The following PKHD1L1 variants were observed in gnomAD, a reference collection of about 807,000 sequenced individuals.
PKHD1L1 encodes the protein fibrocystin-L.
Under a neutral mutation model 462.9 loss-of-function variants are expected in PKHD1L1, and 434 were observed. That is an observed-to-expected ratio of 0.94 (90% confidence interval 0.87 to 1.02). The LOEUF (loss-of-function observed/expected upper bound fraction) is 1.02. PKHD1L1 is among the 50% of genes least tolerant of loss of function. PKHD1L1 has a pLI of 0.00. For synonymous variants in PKHD1L1, 1,781 were observed against 1,750.0 expected, an observed-to-expected ratio of 1.02 and a Z score of -0.44; for missense variants, 5,202 against 5,096.1, an observed-to-expected ratio of 1.02 and a Z score of -0.63.
chr8:109,451,244 T>A, intron 41 of PKHD1L1, 95 bp downstream of exon 41: 1 of 1,298,424 alleles, frequency 7.7e-7, no homozygotes, highest in Non-Finnish European at 1.0e-6. Flanking sequence ...AGAAATACAG[T>A]CATGCAATGT....
intron 9 of PKHD1L1, among the ~76,000 whole-genome samples, chr8:109,393,993 G>A (rs996006888): frequency 6.6e-6 from 1 of 151,830 alleles, no homozygotes; most frequent in Non-Finnish European, 1.5e-5. Flanking sequence ...CCAACATAGT[G>A]AAACCCCGTC....
At chr8:109,495,651 TTAA>T (rs1005606530) in intron 63 of PKHD1L1, among the ~76,000 whole-genome samples, 7 of 152,242 alleles carry the variant, frequency 4.6e-5, no homozygotes, top group Admixed American at 4.6e-4. Context: ...ACATCTTCTT[TTAA>T]TAATAATAAT....
chr8:109,413,612 A>C, intron 21 of PKHD1L1, 67 bp downstream of exon 21: 3 of 1,265,040 alleles, frequency 2.4e-6, no homozygotes, highest in Non-Finnish European at 3.1e-6. Context: ...GATAAGACAA[A>C]TCCATTTCTT....
rs548791148 is a variant in PKHD1L1 at position 109,374,777 on chromosome 8, T to A, written c.164-6593T>A. Among the ~76,000 whole-genome samples, 1,142 of 152,226 alleles carry A rather than the reference T, an allele frequency of 7.5e-3. 12 individuals carry two copies. The highest frequency in any genetic ancestry group is 0.026 in the African/African-American group (1,085 of 41,542). ...ACTTATGAAGCTTAGTTTGGCTGGATATGAAATTCTGGGTTGAAAATTCTT... is the reference window on the plus strand; with the variant it reads ...ACTTATGAAGCTTAGTTTGGCTGGAAATGAAATTCTGGGTTGAAAATTCTT... On this transcript the variant is annotated intron_variant, in intron 2 of 77. Transcript: ENST00000378402.
At chr8:109,430,375 G>A (rs1200513862) in intron 27 of PKHD1L1, among the ~76,000 whole-genome samples, 2 of 152,138 alleles carry the variant, frequency 1.3e-5, no homozygotes, top group Non-Finnish European at 2.9e-5. Context: ...GTACCAGCTA[G>A]GGTATTAAGT....
At position 109,443,590 on chromosome 8, in the gene PKHD1L1, A is replaced by G. The variant is rs1586524167; in HGVS notation, c.4565-86A>G. On this transcript the variant is annotated intron_variant, in intron 36 of 77. Transcript: ENST00000378402. ...ATTTACCAGAATTTAAACCATCATC[A>G]TCAAAATAAAGAGTAACGCAGTTTG... 1.6e-5 allele frequency: 17 copies of G among 1,069,018 alleles called. No individual in the cohort carries two copies. The East Asian group carries it at 4.1e-4, about 26-fold the overall frequency. 66.2% of individuals were successfully genotyped at this position (1,069,018 alleles called of 1,614,324 possible). A position where few individuals can be genotyped will look rare whatever the true frequency, so the allele number is the denominator to read the frequency against.
rs200956400 is a variant in PKHD1L1, at chr8:109,413,483, C to A, written c.2298C>A (p.Asp766Glu). Reference sequence around the variant, plus strand: ...TTGGTCTAAAATTTCAGTACCAAGACAATAGCAAGATTACTAGAAGCACTG... The same window carrying A: ...TTGGTCTAAAATTTCAGTACCAAGAAAATAGCAAGATTACTAGAAGCACTG... Reference protein sequence around the residue: ...NYIGLKFQYQDNSKITRSTDT... With the variant: ...NYIGLKFQYQENSKITRSTDT... Residue 766 changes from aspartate (D) to glutamate (E), a missense_variant, in exon 21 of 78, where the codon GAC becomes GAA. Coordinates refer to ENST00000378402, the MANE Select transcript of PKHD1L1 (RefSeq NM_177531.6). 1.3e-6 allele frequency: 2 copies of A among 1,579,746 alleles called. No homozygotes were observed. The highest frequency in any genetic ancestry group is 2.7e-5 in the African/African-American group (2 of 74,520).
In PKHD1L1 at chr8:109,384,089, C is replaced by T. The variant is rs1429796179; in HGVS notation, c.437C>T (p.Pro146Leu). ...TTACAGGCAAAAAGTTTTAGAACCC[C>T]AACAATAAGAAGCATCACACCTTTA... is the stretch of plus-strand genomic sequence containing the variant. ...CTFNAKSFRT[P>L]TIRSITPLSG... Residue 146 changes from proline (P) to leucine (L), a missense_variant, in exon 5 of 78, where the codon CCA becomes CTA. Transcript: ENST00000378402. 6.8e-6 allele frequency: 11 copies of T among 1,610,302 alleles called. No homozygotes were observed. The Admixed American group carries it at 1.3e-4, about 20-fold the overall frequency.
intron 48 of PKHD1L1, among the ~76,000 whole-genome samples, chr8:109,462,326 C>T (rs1386797441): frequency 6.6e-6 from 1 of 152,002 alleles, no homozygotes; most frequent in Non-Finnish European, 1.5e-5. Context: ...CTTGTTACAC[C>T]CCTCTTCAAA....
At chr8:109,488,494 A>C (rs1818666875) in intron 59 of PKHD1L1, among the ~76,000 whole-genome samples, 4 of 152,070 alleles carry the variant, frequency 2.6e-5, no homozygotes, top group Admixed American at 2.6e-4. Flanking sequence ...ACTGGAACTC[A>C]TTGTTCCTCC....
At chr8:109,436,837 T>C (rs1563540004) in intron 30 of PKHD1L1, among the ~76,000 whole-genome samples, 2 of 152,170 alleles carry the variant, frequency 1.3e-5, no homozygotes, top group Admixed American at 6.5e-5. Flanking sequence ...GAGTTTACCA[T>C]GGTAAGTTTA....
chr8:109,466,552 A>G (rs187813326), intron 49 of PKHD1L1, 26 bp from the exon 50 acceptor site: 3 of 1,538,872 alleles, frequency 1.9e-6, no homozygotes, highest in Admixed American at 2.1e-5. Context: ...GAAATAAAAA[A>G]CATATTTTGT....
intron 76 of PKHD1L1, among the ~76,000 whole-genome samples, chr8:109,525,483 C>T (rs1820771128): frequency 6.6e-6 from 1 of 152,166 alleles, no homozygotes; most frequent in Admixed American, 6.5e-5. Flanking sequence ...GCCAGGATAG[C>T]TCACCACTGC....
chr8:109,432,310 A>G (rs1352935814), intron 27 of PKHD1L1, among the ~76,000 whole-genome samples: 2 of 152,052 alleles, frequency 1.3e-5, no homozygotes, highest in Non-Finnish European at 2.9e-5. Context: ...ATTATGGTCA[A>G]CCCCATGACT....
At chr8:109,382,952 G>A (rs1371476948) in intron 4 of PKHD1L1, among the ~76,000 whole-genome samples, 2 of 147,848 alleles carry the variant, frequency 1.4e-5, no homozygotes, top group Admixed American at 7.0e-5. Context: ...TGCATGTGGT[G>A]TAAGAGCCAC....
At chr8:109,419,061 C>G in intron 21 of PKHD1L1, 36 bp from the exon 22 acceptor site, 1 of 1,549,542 alleles carries the variant, frequency 6.5e-7, no homozygotes, top group Non-Finnish European at 8.8e-7. Flanking sequence ...AACATTACCA[C>G]TGATCTATAC....
chr8:109,522,035 G>T, intron 73 of PKHD1L1, 151 bp from the exon 74 acceptor site: 1 of 611,896 alleles, frequency 1.6e-6, no homozygotes. Context: ...TCATTAATAT[G>T]ACTGCTGTGT....
chr8:109,407,094 G>A (rs535551707), intron 17 of PKHD1L1, among the ~76,000 whole-genome samples: 5 of 152,108 alleles, frequency 3.3e-5, no homozygotes, highest in East Asian at 3.9e-4. Context: ...GTCAGACTTC[G>A]CAACTAATTT....
At chr8:109,451,632 G>T (rs1816522669) in intron 41 of PKHD1L1, among the ~76,000 whole-genome samples, 1 of 152,102 alleles carries the variant, frequency 6.6e-6, no homozygotes, top group South Asian at 2.1e-4. Context: ...GTACTGCATT[G>T]TCATCATTAT....
Sources: allele counts gnomAD v4.1 joint callset (sites outside exome capture counted in the v4.1 genomes callset), GRCh38; gene constraint gnomAD v4.1.1; transcripts MANE v1.5; gene names NCBI Gene and HGNC (gene_info 2026-07-23, HGNC 2026-07-21).